The following PRRC1 variants were observed in gnomAD, a reference collection of about 807,000 sequenced individuals.
The protein encoded by PRRC1 is proline rich coiled-coil 1.
In PRRC1, 39 loss-of-function variants were observed where a neutral mutation model predicts 40.7. The observed-to-expected ratio is 0.96, with a 90% confidence interval of 0.74 to 1.25. The LOEUF is 1.25. Among genes scored for constraint, PRRC1 ranks in the 50% most tolerant of loss-of-function variants. The pLI is 0.00. For synonymous variants in PRRC1, 175 were observed against 193.3 expected (o/e 0.91, Z 0.79); for missense variants, 573 against 548.3 (o/e 1.05, Z -0.45).
intron 7 of PRRC1, among the ~76,000 whole-genome samples, chr5:127,541,807 G>C (rs962933315): frequency 1.3e-5 from 2 of 151,450 alleles, no homozygotes; most frequent in Non-Finnish European, 2.9e-5. Context: ...CAATTTTGTT[G>C]ATCCTTTCAA....
chr5:127,529,850 G>A (rs233034), intron 4 of PRRC1, among the ~76,000 whole-genome samples: 46,875 of 151,922 alleles, frequency 0.31, 7,541 homozygotes, highest in East Asian at 0.55. Flanking sequence ...GCCCCCAGAC[G>A]AGAGGTGTTT....
At chr5:127,551,663 T>G in intron 8 of PRRC1, 44 bp from the exon 9 acceptor site, 1 of 1,572,144 alleles carries the variant, frequency 6.4e-7, no homozygotes, top group East Asian at 2.3e-5. Flanking sequence ...TCCAATGATA[T>G]TTTTAAATGT....
chr5:127,531,617 C>CTTTTTTTTTTTTTTTTTTT lies in PRRC1; in HGVS notation c.757+1226_757+1244dup, dbSNP rs60179366. Among the ~76,000 whole-genome samples, 38 of 99,650 alleles carry CTTTTTTTTTTTTTTTTTTT rather than the reference C, an allele frequency of 3.8e-4. 7 individuals are homozygous for CTTTTTTTTTTTTTTTTTTT. The highest frequency in any genetic ancestry group is 1.8e-3 in the African/African-American group (38 of 21,566). 65.4% of individuals were successfully genotyped at this position (99,650 alleles called of 152,430 possible). On this transcript the variant is annotated intron_variant, in intron 5 of 8. Coordinates refer to ENST00000296666, the MANE Select transcript of PRRC1 (RefSeq NM_130809.5). ...GCCAGGTGTTTTTATTCTTCTTCTT[C>CTTTTTTTTTTTTTTTTTTT]TTTTTTTTTTTTTTTTTTTTTTTGA...
At chr5:127,545,681 A>G (rs1206642656) in intron 7 of PRRC1, among the ~76,000 whole-genome samples, 1 of 151,174 alleles carries the variant, frequency 6.6e-6, no homozygotes, top group African/African-American at 2.4e-5. Context: ...CTAATGCTAA[A>G]TGATGAATTA....
chr5:127,524,839 A>T lies in PRRC1; in HGVS notation c.412A>T (p.Thr138Ser), dbSNP rs754511369. Residue 138 changes from threonine (T) to serine (S), a missense_variant, in exon 3 of 9, where the codon ACT becomes TCT. Physicochemically the swap from Thr to Ser is moderately conservative, Grantham distance 58. Transcript: ENST00000296666. The part of the protein sequence containing the change: ...PPISGFSVGS[T>S]YDITRGHAGR... ...TATATCAGGATTTTCTGTTGGTTCA[A>T]CTTATGACATTACAAGGGGACATGC... is the stretch of plus-strand genomic sequence containing the variant. 1.2e-6 allele frequency: 2 copies of T among 1,614,064 alleles called. No homozygotes were observed. The highest frequency in any genetic ancestry group is 1.7e-5 in the Admixed American group (1 of 59,998).
At chr5:127,551,034 G>T (rs1768365024) in intron 8 of PRRC1, 1 of 152,148 alleles carries the variant, frequency 6.6e-6, no homozygotes, top group African/African-American at 2.4e-5. Context: ...GGCACATTTG[G>T]TAGTCATGTA....
intron 6 of PRRC1, among the ~76,000 whole-genome samples, chr5:127,535,078 G>A (rs960105704): frequency 9.5e-5 from 13 of 136,558 alleles, no homozygotes; most frequent in Non-Finnish European, 1.6e-4. Flanking sequence ...ATTGCTCCCA[G>A]GGGAGATACG....
intron 1 of PRRC1, among the ~76,000 whole-genome samples, chr5:127,521,424 C>T (rs765190767): frequency 8.5e-5 from 13 of 152,164 alleles, no homozygotes; most frequent in East Asian, 1.9e-4. Context: ...GCTTAGACTG[C>T]GTGGTCCAAC....
At chr5:127,549,939 A>G (rs1368038780) in intron 8 of PRRC1, 1 of 152,096 alleles carries the variant, frequency 6.6e-6, no homozygotes, top group East Asian at 1.9e-4. Context: ...TTTTAGGAAT[A>G]TATACTGGAA....
At chr5:127,518,399 A>G (rs1196305817) in intron 1 of PRRC1, among the ~76,000 whole-genome samples, 2 of 152,188 alleles carry the variant, frequency 1.3e-5, no homozygotes, top group African/African-American at 4.8e-5. Context: ...GCTTCAGGCA[A>G]ATTTGCAGAT....
intron 6 of PRRC1, among the ~76,000 whole-genome samples, chr5:127,536,443 T>A (rs761658923): frequency 3.9e-5 from 6 of 152,052 alleles, no homozygotes; most frequent in Admixed American, 2.6e-4. Context: ...ATACTTAGAT[T>A]GAGAATGTAT....
At chr5:127,527,772 A>AC (rs1427633097) in intron 4 of PRRC1, among the ~76,000 whole-genome samples, 22 of 151,526 alleles carry the variant, frequency 1.5e-4, no homozygotes, top group Admixed American at 3.9e-4. Context: ...AAAAAAAAAA[A>AC]AAAAAACCAA....
chr5:127,527,080 T>G (rs1767638488), intron 4 of PRRC1, among the ~76,000 whole-genome samples: 1 of 152,234 alleles, frequency 6.6e-6, no homozygotes, highest in African/African-American at 2.4e-5. Flanking sequence ...AAATGTATTT[T>G]GGTTTCTCTT....
intron 7 of PRRC1, among the ~76,000 whole-genome samples, chr5:127,544,865 C>T (rs1005685104): frequency 2.6e-5 from 4 of 152,200 alleles, no homozygotes; most frequent in South Asian, 2.1e-4. Flanking sequence ...TGCTTCGGCT[C>T]GAGCATGGTG....
intron 6 of PRRC1, among the ~76,000 whole-genome samples, chr5:127,536,048 A>G (rs1336419005): frequency 6.6e-6 from 1 of 152,158 alleles, no homozygotes; most frequent in Non-Finnish European, 1.5e-5. Context: ...GTAATGCATT[A>G]TATATAATAT....
At chr5:127,544,293 G>A (rs1261347644) in intron 7 of PRRC1, among the ~76,000 whole-genome samples, 1 of 152,202 alleles carries the variant, frequency 6.6e-6, no homozygotes. Flanking sequence ...CCTTACTGGG[G>A]GGTGCCTCCC....
chr5:127,548,170 T>C, intron 8 of PRRC1: 2 of 533,606 alleles, frequency 3.7e-6, no homozygotes, highest in South Asian at 2.9e-5. Flanking sequence ...ATTTCTCTCA[T>C]TTTTTTCTTT....
chr5:127,524,254 A>T, intron 2 of PRRC1: 1 of 313,108 alleles, frequency 3.2e-6, no homozygotes, highest in Non-Finnish European at 5.8e-6. Context: ...GGGATGAAAA[A>T]TCGCTTTATT....
intron 6 of PRRC1, among the ~76,000 whole-genome samples, chr5:127,536,280 G>T (rs1767898291): frequency 7.0e-6 from 1 of 142,134 alleles, no homozygotes; most frequent in Non-Finnish European, 1.5e-5. Flanking sequence ...TGTAGGGTTT[G>T]AATTTAATCT....
Sources: allele counts gnomAD v4.1 joint callset (sites outside exome capture counted in the v4.1 genomes callset), GRCh38; gene constraint gnomAD v4.1.1; transcripts MANE v1.5; gene names NCBI Gene and HGNC (gene_info 2026-07-23, HGNC 2026-07-21).